The following RBFOX2 variants were observed in gnomAD, a reference collection of about 807,000 sequenced individuals.
RBFOX2 encodes RNA binding fox-1 homolog 2, also known as RNA binding protein fox-1 homolog 2.
Under a neutral mutation model 49.1 loss-of-function variants are expected in RBFOX2, and 10 were observed. The ratio of observed to expected loss-of-function variants is 0.20; its 90% CI spans 0.13 to 0.35. The LOEUF (loss-of-function observed/expected upper bound fraction) is 0.35, where lower values mean the gene tolerates loss of function less well. Ranked by LOEUF, RBFOX2 falls within the 10% of genes least tolerant of loss-of-function variation. RBFOX2 has a pLI of 1.00. For missense variants in RBFOX2, 323 were observed against 486.9 expected, an observed-to-expected ratio of 0.66 and a Z score of 3.17; for synonymous variants, 183 against 187.4, an observed-to-expected ratio of 0.98 and a Z score of 0.19.
intron 2 of RBFOX2, among the ~76,000 whole-genome samples, chr22:35,806,448 T>C (rs982768834): frequency 1.3e-5 from 2 of 152,132 alleles, no homozygotes; most frequent in Non-Finnish European, 2.9e-5. Flanking sequence ...GCTGCTATAT[T>C]TAACCAGAAT....
At chr22:35,746,627 C>T in intron 9 of RBFOX2, 66 bp from the exon 12 acceptor site, 3 of 980,672 alleles carry the variant, frequency 3.1e-6, no homozygotes, top group South Asian at 2.0e-5. Flanking sequence ...AAAACACACA[C>T]CCGCCCACAC....
intron 11 of RBFOX2, 135 bp downstream of exon 13, chr22:35,745,788 G>T (rs1184384701): frequency 2.4e-6 from 2 of 849,526 alleles, no homozygotes; most frequent in Non-Finnish European, 3.8e-6. Flanking sequence ...GAAACTTCCA[G>T]GTAGATCTAT....
intron 1 of RBFOX2, among the ~76,000 whole-genome samples, chr22:36,003,707 G>A (rs2058516534): frequency 6.6e-6 from 1 of 152,232 alleles, no homozygotes; most frequent in African/African-American, 2.4e-5. Context: ...TAAGAAAGAG[G>A]TGACATCTAA....
intron 2 of RBFOX2, among the ~76,000 whole-genome samples, chr22:35,802,262 A>G (rs1236471262): frequency 1.3e-5 from 2 of 152,226 alleles, no homozygotes; most frequent in African/African-American, 4.8e-5. Flanking sequence ...GAAATGGGCA[A>G]TGATGAGGAG....
At chr22:36,008,885 A>ATCTTC (rs2058713338) in intron 1 of RBFOX2, among the ~76,000 whole-genome samples, 2 of 152,184 alleles carry the variant, frequency 1.3e-5, no homozygotes, top group Non-Finnish European at 2.9e-5. Context: ...CCTTAAAGTA[A>ATCTTC]AATATACAAT....
intron 1 of RBFOX2, among the ~76,000 whole-genome samples, chr22:35,927,407 C>G (rs558827343): frequency 6.6e-6 from 1 of 151,994 alleles, no homozygotes; most frequent in Non-Finnish European, 1.5e-5. Context: ...GAGTTCGAGA[C>G]CAGCCTGACC....
intron 8 of RBFOX2, 138 bp downstream of exon 9, chr22:35,761,064 G>T (rs1938628459): frequency 4.2e-6 from 3 of 706,142 alleles, no homozygotes; most frequent in Non-Finnish European, 7.1e-6. Flanking sequence ...AGCAGGACAG[G>T]GCACTGGGAT....
chr22:35,881,973 AAAGAAAGAAAAG>A (rs909495601), intron 1 of RBFOX2, among the ~76,000 whole-genome samples: 1 of 151,922 alleles, frequency 6.6e-6, no homozygotes, highest in Non-Finnish European at 1.5e-5. Context: ...GAAAAAAAGA[AAAGAAAGAAAAG>A]AAAAAAGAAA....
intron 1 of RBFOX2, among the ~76,000 whole-genome samples, chr22:35,885,843 ATTTTTTTTTTTTTT>A (rs538674450): frequency 2.4e-4 from 20 of 83,148 alleles, no homozygotes; most frequent in African/African-American, 5.3e-4. Flanking sequence ...CCCAAACCTA[ATTTTTTTTTTTTTT>A]TTTTTTTTTT....
intron 1 of RBFOX2, among the ~76,000 whole-genome samples, chr22:35,909,863 T>A (rs2049581487): frequency 6.6e-6 from 1 of 152,192 alleles, no homozygotes; most frequent in African/African-American, 2.4e-5. Context: ...TCCACCCACC[T>A]CGGCCTCCCA....
intron 6 of RBFOX2, among the ~76,000 whole-genome samples, 191 bp from the exon 8 acceptor site, chr22:35,761,659 A>AGGGGCT (rs751398020): frequency 3.4e-4 from 52 of 151,626 alleles, no homozygotes; most frequent in African/African-American, 5.8e-4. Flanking sequence ...AGAGATAATG[A>AGGGGCT]GGGGCTGGGG....
chr22:35,994,761 T>A (rs1222841726), intron 1 of RBFOX2: 1 of 151,596 alleles, frequency 6.6e-6, no homozygotes, highest in Admixed American at 6.6e-5. Context: ...CTCACTTTGT[T>A]GCCCAAGCGA....
At chr22:35,769,109 C>T (rs540271083) in intron 4 of RBFOX2, among the ~76,000 whole-genome samples, 1 of 152,264 alleles carries the variant, frequency 6.6e-6, no homozygotes, top group Admixed American at 6.5e-5. Context: ...TTTCAGAAAA[C>T]TGCTAACCCA....
At chr22:35,751,676 G>A (rs1934980765) in intron 9 of RBFOX2, among the ~76,000 whole-genome samples, 1 of 152,112 alleles carries the variant, frequency 6.6e-6, no homozygotes, top group Admixed American at 6.5e-5. Flanking sequence ...TACAATAATG[G>A]TGATACCGTC....
rs553324282 is a variant in RBFOX2, at chr22:35,938,709, A to G, written c.-34+138T>C. On this transcript the variant is annotated intron_variant, in intron 1 of 13. Transcript: ENST00000359369. ...AAAATATGCTTAATTTACATCTGTA[A>G]AAGTAAATTCACTGCTGAAACAAGC... is the stretch of plus-strand genomic sequence containing the variant. The G allele has an allele frequency of 7.9e-5, 59 of 750,352 alleles. No individual in the cohort carries two copies. The South Asian group carries it at 1.0e-3, about 13-fold the overall frequency. The allele number at this position is 750,352 out of a possible 1,614,324, so 46.5% of individuals were successfully genotyped here. A position where few individuals can be genotyped will look rare whatever the true frequency, so the allele number is the denominator to read the frequency against.
chr22:35,753,771 CTTTTTTTTTTTTTTTTTTTT>C (rs869178693), intron 9 of RBFOX2, among the ~76,000 whole-genome samples: 1 of 54,470 alleles, frequency 1.8e-5, no homozygotes, highest in Admixed American at 2.5e-4. Flanking sequence ...GTAGACAAGT[CTTTTTTTTTTTTTTTTTTTT>C]TTTTTTTTTG....
chr22:35,991,719 C>A (rs956594662), intron 1 of RBFOX2, among the ~76,000 whole-genome samples: 1 of 152,134 alleles, frequency 6.6e-6, no homozygotes, highest in Non-Finnish European at 1.5e-5. Flanking sequence ...CCAAAGCAAA[C>A]AAGAAAACTC....
At chr22:35,792,330 A>AAGAAAG (rs1947884285) in intron 2 of RBFOX2, among the ~76,000 whole-genome samples, 1 of 136,406 alleles carries the variant, frequency 7.3e-6, no homozygotes, top group East Asian at 2.0e-4. Flanking sequence ...AAAAAAAAAA[A>AAGAAAG]AAAAGAAAAG....
chr22:35,952,465 G>A (rs1207387417), intron 1 of RBFOX2, among the ~76,000 whole-genome samples: 5 of 152,160 alleles, frequency 3.3e-5, no homozygotes, highest in African/African-American at 1.2e-4. Flanking sequence ...TTGCCCTCAA[G>A]GAACTTTAGT....
Sources: gnomAD v4.1 joint callset for allele counts (sites outside exome capture counted in the v4.1 genomes callset) on GRCh38, gnomAD v4.1.1 for gene constraint, MANE v1.5 for transcripts, NCBI Gene and HGNC (gene_info 2026-07-23, HGNC 2026-07-21) for gene names.